Variants in DPP10 observed in about 807,000 individuals in gnomAD.
DPP10 encodes the protein inactive dipeptidyl peptidase 10.
In DPP10, 33 loss-of-function variants were observed where a neutral mutation model predicts 120.9. The observed-to-expected ratio is 0.27, with a 90% CI of 0.21 to 0.37. The LOEUF (loss-of-function observed/expected upper bound fraction) is 0.37. DPP10 is among the 10% of genes least tolerant of loss of function. DPP10 has a pLI of 1.00. For synonymous variants in DPP10, 337 were observed against 326.1 expected (o/e 1.03, Z -0.36); for missense variants, 816 against 942.8 (o/e 0.87, Z 1.76).
At chr2:115,339,939 A>C (rs1232700913) in intron 2 of DPP10, among the ~76,000 whole-genome samples, 1 of 152,178 alleles carries the variant, frequency 6.6e-6, no homozygotes, top group African/African-American at 2.4e-5. Context: ...AAATGAATAC[A>C]TGTAAAACTG....
Position 115,188,839 on chromosome 2 carries a change from GA to G in DPP10, c.61-120390del, listed in dbSNP as rs371771030. ...TTCACAAACCTATTGGTAAAAATAT[GA>G]AAAAAAAAAGCACACCTAAGGCTGT... On this transcript the variant is annotated intron_variant, in intron 1 of 25. Transcript: ENST00000410059. 6.3e-3 allele frequency among the ~76,000 whole-genome samples: 924 copies of G among 145,976 alleles called. 1 individual carries two copies. Among genetic ancestry groups the G allele is most frequent in the African/African-American group, 0.018 (710 of 39,782 alleles).
At chr2:114,773,758 C>T (rs999861705) in intron 1 of DPP10, among the ~76,000 whole-genome samples, 1 of 151,996 alleles carries the variant, frequency 6.6e-6, no homozygotes, top group Non-Finnish European at 1.5e-5. Context: ...TTGAAAGTAA[C>T]CACAAAAAGG....
chr2:115,177,148 T>G (rs917635150), intron 1 of DPP10, among the ~76,000 whole-genome samples: 2 of 152,216 alleles, frequency 1.3e-5, no homozygotes, highest in African/African-American at 4.8e-5. Flanking sequence ...AGATCTTACC[T>G]CCACTTTTTT....
chr2:115,791,929 A>G (rs72951986), intron 19 of DPP10, among the ~76,000 whole-genome samples: 6,022 of 152,290 alleles, frequency 0.04, 409 homozygotes, highest in African/African-American at 0.14. Flanking sequence ...TTGATTTAGC[A>G]TTGTATTCCT....
chr2:115,463,864 C>A (rs538295152), intron 3 of DPP10, among the ~76,000 whole-genome samples: 1 of 152,224 alleles, frequency 6.6e-6, no homozygotes, highest in Non-Finnish European at 1.5e-5. Flanking sequence ...TGATGCCCTG[C>A]GACAAATGTG....
chr2:115,193,140 A>G (rs967572977), intron 1 of DPP10, among the ~76,000 whole-genome samples: 1 of 152,148 alleles, frequency 6.6e-6, no homozygotes, highest in African/African-American at 2.4e-5. Context: ...ATTATACAAC[A>G]TTTCTTGCAT....
chr2:114,775,724 C>T (rs1384836631), intron 1 of DPP10, among the ~76,000 whole-genome samples: 1 of 152,150 alleles, frequency 6.6e-6, no homozygotes, highest in African/African-American at 2.4e-5. Context: ...ACATTCCCAA[C>T]AATTAGAATG....
chr2:114,754,296 A>G (rs1679529321), intron 1 of DPP10, among the ~76,000 whole-genome samples: 1 of 152,184 alleles, frequency 6.6e-6, no homozygotes, highest in Non-Finnish European at 1.5e-5. Flanking sequence ...TCTGTTCACA[A>G]TCAGTTCTTG....
rs914117507 is a variant in DPP10, at chr2:115,016,658, G to GA, written c.61-292571dup. 4.3e-3 allele frequency among the ~76,000 whole-genome samples: 629 copies of GA among 144,756 alleles called. 4 individuals carry two copies. The highest frequency in any genetic ancestry group is 0.028 in the Middle Eastern group (8 of 288). 95.0% of individuals were successfully genotyped at this position (144,756 alleles called of 152,430 possible). On this transcript the variant is annotated intron_variant, in intron 1 of 25. Coordinates refer to ENST00000410059, the MANE Select transcript of DPP10 (RefSeq NM_020868.6). ...TCAAGGAACTCAAACAAATTTACAA[G>GA]AAAAAAAAAACAACCCATCAACAAG... is the stretch of plus-strand genomic sequence containing the variant.
chr2:114,900,686 G>T (rs1206194252), intron 1 of DPP10, among the ~76,000 whole-genome samples: 1 of 152,020 alleles, frequency 6.6e-6, no homozygotes, highest in Admixed American at 6.6e-5. Context: ...TTGACAAACA[G>T]AAGTCCCTAA....
chr2:115,623,212 A>G (rs2085105056), intron 5 of DPP10, among the ~76,000 whole-genome samples: 1 of 152,138 alleles, frequency 6.6e-6, no homozygotes, highest in Non-Finnish European at 1.5e-5. Flanking sequence ...CCACAGAGAC[A>G]ACATGGCTCA....
In DPP10 at chr2:114,803,839, T is replaced by C. The variant is rs147330685; in HGVS notation, c.60+361001T>C. Among the ~76,000 whole-genome samples the C allele has an allele frequency of 1.3e-3, 203 of 152,340 alleles. 2 individuals carry two copies. The highest frequency in any genetic ancestry group is 4.7e-3 in the African/African-American group (194 of 41,582). On this transcript the variant is annotated intron_variant, in intron 1 of 25. Coordinates refer to ENST00000410059, the MANE Select transcript of DPP10 (RefSeq NM_020868.6). ...TGTGGATAGAAAAGAAAAACTCATT[T>C]TCTGGGGAGAAATTCAAGCTGGTTG...
At chr2:115,779,864 T>C (rs547865219) in intron 15 of DPP10, among the ~76,000 whole-genome samples, 12 of 152,130 alleles carry the variant, frequency 7.9e-5, no homozygotes, top group Non-Finnish European at 1.5e-4. Flanking sequence ...ATATATTGTT[T>C]TGAGTATTAT....
At chr2:114,453,958 C>T (rs561335283) in intron 1 of DPP10, among the ~76,000 whole-genome samples, 17 of 152,120 alleles carry the variant, frequency 1.1e-4, no homozygotes, top group African/African-American at 3.4e-4. Context: ...GCTTACAGTC[C>T]GACATCTTTT....
chr2:115,436,864 C>A lies in DPP10; in HGVS notation c.272-62646C>A, dbSNP rs1331687986. On this transcript the variant is annotated intron_variant, in intron 3 of 25. Transcript: ENST00000410059. ...TATGAGGCATTTTAAACTGAACCAT[C>A]TTTAATTAATAATTTATTCTACCCC... 2.0e-5 allele frequency among the ~76,000 whole-genome samples: 3 copies of A among 151,840 alleles called. No individual in the cohort carries two copies. In the East Asian group the frequency reaches 5.8e-4, roughly 29 times the overall value.
At chr2:114,753,928 A>AAAAAG (rs1558705737) in intron 1 of DPP10, among the ~76,000 whole-genome samples, 14 of 150,500 alleles carry the variant, frequency 9.3e-5, no homozygotes, top group African/African-American at 2.7e-4. Context: ...AAAAAAAAAA[A>AAAAAG]AAAAGAAAAG....
At chr2:115,470,403 T>A (rs1390403252) in intron 3 of DPP10, among the ~76,000 whole-genome samples, 1 of 152,020 alleles carries the variant, frequency 6.6e-6, no homozygotes, top group Non-Finnish European at 1.5e-5. Flanking sequence ...TGGACCAGGG[T>A]TTCATGGCAC....
chr2:115,501,822 C>A (rs1274011559), intron 4 of DPP10, among the ~76,000 whole-genome samples: 1 of 152,028 alleles, frequency 6.6e-6, no homozygotes, highest in East Asian at 1.9e-4. Flanking sequence ...GTTTTTAATA[C>A]TAACGTTAGG....
intron 3 of DPP10, among the ~76,000 whole-genome samples, chr2:115,348,258 C>T (rs1408193319): frequency 6.6e-6 from 1 of 152,072 alleles, no homozygotes; most frequent in Non-Finnish European, 1.5e-5. Context: ...TCCCCAGGTA[C>T]ATTCATGTAG....
Sources: gnomAD v4.1 joint callset for allele counts (sites outside exome capture counted in the v4.1 genomes callset) on GRCh38, gnomAD v4.1.1 for gene constraint, MANE v1.5 for transcripts, NCBI Gene and HGNC (gene_info 2026-07-23, HGNC 2026-07-21) for gene names.